LHFPL3: variants seen among roughly 807,000 people sequenced by gnomAD.
LHFPL3 encodes the protein LHFPL tetraspan subfamily member 3 protein.
LHFPL3 carries 5 observed loss-of-function variants against 19.3 expected under a neutral mutation model. The ratio of observed to expected loss-of-function variants is 0.26; its 90% CI spans 0.14 to 0.54. LHFPL3 has a LOEUF of 0.54. LHFPL3 is among the 20% of genes least tolerant of loss of function. LHFPL3 has a pLI of 0.94. For missense variants in LHFPL3, 249 were observed against 307.4 expected, an observed-to-expected ratio of 0.81 and a Z score of 1.42; for synonymous variants, 133 against 126.2, an observed-to-expected ratio of 1.05 and a Z score of -0.36.
chr7:104,400,702 C>A (rs1245451966), intron 1 of LHFPL3, among the ~76,000 whole-genome samples: 2 of 152,222 alleles, frequency 1.3e-5, no homozygotes, highest in Non-Finnish European at 2.9e-5. Flanking sequence ...TACCCCTCAG[C>A]ATGATCTAAA....
At chr7:104,696,190 T>C (rs1792993195) in intron 1 of LHFPL3, among the ~76,000 whole-genome samples, 1 of 152,230 alleles carries the variant, frequency 6.6e-6, no homozygotes, top group South Asian at 2.1e-4. Context: ...GACCTCGTGA[T>C]CCACCTACCT....
At chr7:104,605,955 G>A (rs1437431652) in intron 1 of LHFPL3, among the ~76,000 whole-genome samples, 1 of 151,692 alleles carries the variant, frequency 6.6e-6, no homozygotes, top group Non-Finnish European at 1.5e-5. Flanking sequence ...TATTGCATAC[G>A]TTTGAGGTTT....
At chr7:104,860,455 G>A (rs1791597246) in intron 2 of LHFPL3, among the ~76,000 whole-genome samples, 2 of 152,038 alleles carry the variant, frequency 1.3e-5, no homozygotes, top group South Asian at 4.1e-4. Flanking sequence ...ACATCCTGGG[G>A]GTTCACTGTA....
At chr7:104,423,376 G>T (rs1791772756) in intron 1 of LHFPL3, among the ~76,000 whole-genome samples, 3 of 152,086 alleles carry the variant, frequency 2.0e-5, no homozygotes, top group Admixed American at 2.0e-4. Flanking sequence ...ACTATGGAAG[G>T]CCAAAGTGGG....
At chr7:104,563,604 C>T (rs1009612441) in intron 1 of LHFPL3, among the ~76,000 whole-genome samples, 2 of 152,366 alleles carry the variant, frequency 1.3e-5, no homozygotes, top group African/African-American at 2.4e-5. Context: ...GTGAGAAGAA[C>T]CCGGTACCTC....
chr7:104,863,225 T>C (rs1215690915), intron 2 of LHFPL3, among the ~76,000 whole-genome samples: 1 of 152,180 alleles, frequency 6.6e-6, no homozygotes, highest in Non-Finnish European at 1.5e-5. Flanking sequence ...CAAAATCTTA[T>C]AAAGTGAATG....
chr7:104,700,235 G>T (rs879501662), intron 1 of LHFPL3, among the ~76,000 whole-genome samples: 9 of 152,086 alleles, frequency 5.9e-5, no homozygotes, highest in Non-Finnish European at 1.2e-4. Context: ...CCCAATATTG[G>T]CTCAAAGATG....
chr7:104,858,804 T>C (rs1470253753), intron 2 of LHFPL3, among the ~76,000 whole-genome samples: 2 of 152,084 alleles, frequency 1.3e-5, no homozygotes, highest in Non-Finnish European at 2.9e-5. Flanking sequence ...TGTCAATTAC[T>C]TTTTTTTCTC....
At chr7:104,518,756 C>CT (rs1183095213) in intron 1 of LHFPL3, among the ~76,000 whole-genome samples, 1 of 151,474 alleles carries the variant, frequency 6.6e-6, no homozygotes, top group Non-Finnish European at 1.5e-5. Context: ...TGCACTCCAA[C>CT]CTGGGCAACA....
chr7:104,341,187 A>G (rs1201552450), intron 1 of LHFPL3, among the ~76,000 whole-genome samples: 1 of 152,160 alleles, frequency 6.6e-6, no homozygotes, highest in Non-Finnish European at 1.5e-5. Context: ...GTGAATCTTT[A>G]TTGTTTTCCT....
At position 104,898,006 on chromosome 7, in the gene LHFPL3, CTTTT is replaced by C. The variant is rs71155536; in HGVS notation, c.683-8163_683-8160del. Among the ~76,000 whole-genome samples, 229 of 96,808 alleles carry C rather than the reference CTTTT, an allele frequency of 2.4e-3. 2 individuals carry two copies. Among genetic ancestry groups the C allele is most frequent in the African/African-American group, 9.0e-3 (218 of 24,300 alleles). The allele number at this position is 96,808 out of a possible 152,430, so 63.5% of individuals were successfully genotyped here. A position where few individuals can be genotyped will look rare whatever the true frequency, so the allele number is the denominator to read the frequency against. On this transcript the variant is annotated intron_variant, in intron 2 of 2. Coordinates refer to ENST00000424859, the MANE Select transcript of LHFPL3 (RefSeq NM_199000.3). Reference sequence around the variant, plus strand: ...CTGCTGACAGAAAGAAATGTCACCCCTTTTTTTTTTTTTTTTTTTTTGATACAGA... The same window carrying C: ...CTGCTGACAGAAAGAAATGTCACCCCTTTTTTTTTTTTTTTTTGATACAGA...
At chr7:104,873,144 T>C (rs981747273) in intron 2 of LHFPL3, among the ~76,000 whole-genome samples, 1 of 152,234 alleles carries the variant, frequency 6.6e-6, no homozygotes, top group Admixed American at 6.5e-5. Flanking sequence ...ATGTGGCACC[T>C]GACTGTACTA....
intron 1 of LHFPL3, among the ~76,000 whole-genome samples, chr7:104,637,875 G>T: frequency 8.5e-6 from 1 of 118,148 alleles, no homozygotes; most frequent in Non-Finnish European, 1.7e-5. Context: ...TGGCTATTCT[G>T]GCTCCTTTGG....
At chr7:104,802,491 CA>C (rs920866759) in intron 2 of LHFPL3, among the ~76,000 whole-genome samples, 2,088 of 65,468 alleles carry the variant, frequency 0.032, 37 homozygotes, top group African/African-American at 0.11. Context: ...AACCCTATCT[CA>C]AAAAAAAAAA....
At chr7:104,473,905 T>C (rs758045828) in intron 1 of LHFPL3, among the ~76,000 whole-genome samples, 3 of 152,248 alleles carry the variant, frequency 2.0e-5, no homozygotes, top group Non-Finnish European at 4.4e-5. Context: ...TACTTGGGGA[T>C]AAATATTTAT....
At chr7:104,687,811 T>A (rs1359502816) in intron 1 of LHFPL3, among the ~76,000 whole-genome samples, 1 of 152,114 alleles carries the variant, frequency 6.6e-6, no homozygotes, top group Non-Finnish European at 1.5e-5. Context: ...TAGGTAAACC[T>A]CCAGAGAAAA....
intron 1 of LHFPL3, among the ~76,000 whole-genome samples, chr7:104,607,292 A>G (rs996218676): frequency 3.9e-5 from 6 of 152,236 alleles, no homozygotes; most frequent in Non-Finnish European, 1.5e-5. Context: ...TGGAGTCAAC[A>G]ATGTCAGATT....
intron 1 of LHFPL3, among the ~76,000 whole-genome samples, chr7:104,724,009 G>C (rs1279498848): frequency 6.6e-6 from 1 of 152,156 alleles, no homozygotes; most frequent in Non-Finnish European, 1.5e-5. Flanking sequence ...TTATCAATTT[G>C]TGAAGAATCA....
chr7:104,506,955 A>G (rs978822606), intron 1 of LHFPL3, among the ~76,000 whole-genome samples: 11 of 152,234 alleles, frequency 7.2e-5, no homozygotes, highest in African/African-American at 2.4e-4. Context: ...TTCACAAAGT[A>G]TTCTATTGGA....
Sources: gnomAD v4.1 joint callset for allele counts (sites outside exome capture counted in the v4.1 genomes callset) on GRCh38, gnomAD v4.1.1 for gene constraint, MANE v1.5 for transcripts, NCBI Gene and HGNC (gene_info 2026-07-23, HGNC 2026-07-21) for gene names.